STAG2: variants seen among roughly 807,000 people sequenced by gnomAD.
STAG2 encodes the protein STAG2 cohesin complex component, also known as cohesin subunit SA-2.
A neutral mutation model predicts 108.1 loss-of-function variants in STAG2; 14 were observed. The ratio of observed to expected loss-of-function variants is 0.13; its 90% CI spans 0.09 to 0.20. The LOEUF (loss-of-function observed/expected upper bound fraction) is 0.20. STAG2 is among the 10% of genes least tolerant of loss of function. STAG2 has a pLI of 1.00. For missense variants in STAG2, 440 were observed against 940.9 expected (o/e 0.47, Z 6.96); for synonymous variants, 307 against 302.7 (o/e 1.01, Z -0.15).
chrX:124,039,930 T>C (rs985359835), intron 6 of STAG2, among the ~76,000 whole-genome samples: 1 of 111,105 alleles, frequency 9.0e-6, no homozygotes, highest in Admixed American at 9.7e-5. Context: ...TTGGACCTTG[T>C]CACAAGTGAG....
intron 30 of STAG2, among the ~76,000 whole-genome samples, chrX:124,088,608 G>A (rs2059165008): frequency 1.1e-5 from 1 of 92,483 alleles, no homozygotes; most frequent in Admixed American, 1.3e-4. Context: ...TTGCAAATAT[G>A]TATAATCTTT....
At chrX:123,997,648 G>GT (rs2055806436) in intron 1 of STAG2, among the ~76,000 whole-genome samples, 1 of 112,388 alleles carries the variant, frequency 8.9e-6, no homozygotes, top group African/African-American at 3.2e-5. Context: ...GTTGGTTTTT[G>GT]TTTTTTTGAG....
At chrX:124,076,554 G>T (rs1258355539) in intron 26 of STAG2, 83 bp downstream of exon 26, 13 of 886,039 alleles carry the variant, frequency 1.5e-5, no homozygotes, top group Non-Finnish European at 1.7e-5. Flanking sequence ...TTCTTTAAGG[G>T]CAAATTACAT....
chrX:124,083,386 T>TA, intron 28 of STAG2, 35 bp from the exon 29 acceptor site: 1 of 1,088,896 alleles, frequency 9.2e-7, no homozygotes, highest in Middle Eastern at 3.2e-4. Context: ...GTCCCTCAAA[T>TA]ATTTATTTCA....
chrX:124,093,562 G>T (rs1219050870), intron 32 of STAG2, among the ~76,000 whole-genome samples: 1 of 106,863 alleles, frequency 9.4e-6, no homozygotes, highest in South Asian at 4.2e-4. Context: ...CGCATGCCTG[G>T]TACACATTAG....
chrX:124,040,507 A>G (rs1006646048), intron 6 of STAG2, among the ~76,000 whole-genome samples: 6 of 110,168 alleles, frequency 5.4e-5, no homozygotes, highest in Non-Finnish European at 9.4e-5. Flanking sequence ...CTCAAGAGTT[A>G]AATGAATGGA....
rs1246369348 is a variant in STAG2 at position 124,031,235 on chromosome X, T to C, written c.288+110T>C. ...TTGCATTTTAAACATACACTACTTATTAGAAAAAAGCAACAAAATCATCAG... is the reference window on the plus strand; with the variant it reads ...TTGCATTTTAAACATACACTACTTACTAGAAAAAAGCAACAAAATCATCAG... On this transcript the variant is annotated intron_variant, in intron 5 of 34. Transcript: ENST00000371145. 21 of 817,595 alleles carry C rather than the reference T, an allele frequency of 2.6e-5. No individual in the cohort carries two copies. The Admixed American group carries it at 5.0e-4, about 19-fold the overall frequency. The allele number at this position is 817,595 out of a possible 1,213,427, so 67.4% of individuals were successfully genotyped here.
rs1413878931 is a variant in STAG2, at chrX:124,042,554, A to T, written c.386-15A>T. On this transcript the variant is annotated splice_polypyrimidine_tract_variant and intron_variant, in intron 6 of 34. Transcript: ENST00000371145. ...ATCACACCATATATTAACTTCTGAC[A>T]TTTGCAAATTTCAGGAGTTGTCACA... 2.6e-6 allele frequency: 3 copies of T among 1,174,739 alleles called. No individual in the cohort carries two copies. The Admixed American group carries it at 6.6e-5, about 26-fold the overall frequency.
At chrX:124,089,144 C>T (rs1376463649) in intron 30 of STAG2, among the ~76,000 whole-genome samples, 1 of 104,413 alleles carries the variant, frequency 9.6e-6, no homozygotes, top group Non-Finnish European at 2.0e-5. Context: ...CTCCTGACCT[C>T]GTGATCCGCC....
intron 1 of STAG2, among the ~76,000 whole-genome samples, chrX:124,002,296 T>C (rs909528541): frequency 1.8e-5 from 2 of 111,731 alleles, no homozygotes; most frequent in African/African-American, 6.5e-5. Flanking sequence ...GTAGATTAGT[T>C]TGCATTTTTT....
chrX:124,060,288 C>A (rs1296134539), intron 15 of STAG2, among the ~76,000 whole-genome samples: 1 of 111,133 alleles, frequency 9.0e-6, no homozygotes, highest in Non-Finnish European at 1.9e-5. Flanking sequence ...CATCACCACA[C>A]CTAATTTTTG....
At chrX:123,975,705 C>G (rs1391459775) in intron 1 of STAG2, among the ~76,000 whole-genome samples, 1 of 111,900 alleles carries the variant, frequency 8.9e-6, no homozygotes, top group Non-Finnish European at 1.9e-5. Context: ...CTCAGGTGAT[C>G]CGCCCACCTT....
intron 1 of STAG2, among the ~76,000 whole-genome samples, chrX:123,967,168 G>A (rs1179851871): frequency 9.1e-6 from 1 of 109,351 alleles, no homozygotes; most frequent in African/African-American, 3.3e-5. Flanking sequence ...TACAGGCGGA[G>A]CCACCGTGCC....
chrX:124,003,693 G>T (rs2056160486), intron 1 of STAG2: 1 of 110,686 alleles, frequency 9.0e-6, no homozygotes, highest in Admixed American at 9.6e-5. Context: ...CAAAGTGCTG[G>T]GATTACAGGC....
intron 1 of STAG2, among the ~76,000 whole-genome samples, chrX:123,986,037 C>T (rs1455579800): frequency 1.9e-5 from 2 of 105,758 alleles, no homozygotes; most frequent in Non-Finnish European, 3.9e-5. Context: ...GTACTCTAAC[C>T]TCACATATAT....
At chrX:124,050,976 A>G (rs1257869378) in intron 11 of STAG2, 145 bp from the exon 12 acceptor site, 1 of 398,952 alleles carries the variant, frequency 2.5e-6, no homozygotes, top group Non-Finnish European at 4.3e-6. Context: ...TTGCATTATC[A>G]AACATGATAG....
At chrX:124,007,454 T>C (rs201031750) in intron 1 of STAG2, among the ~76,000 whole-genome samples, 1 of 111,364 alleles carries the variant, frequency 9.0e-6, no homozygotes, top group Non-Finnish European at 1.9e-5. Flanking sequence ...GGTTTTTTTT[T>C]CCAATTTGTC....
At chrX:123,964,250 C>CAA (rs55860920) in intron 1 of STAG2, among the ~76,000 whole-genome samples, 146 of 83,110 alleles carry the variant, frequency 1.8e-3, no homozygotes, top group South Asian at 4.1e-3. Flanking sequence ...GCAAAACTTT[C>CAA]AAAAAAAAAA....
intron 13 of STAG2, among the ~76,000 whole-genome samples, chrX:124,051,894 A>G (rs191428012): frequency 9.9e-4 from 111 of 112,453 alleles, no homozygotes; most frequent in African/African-American, 3.3e-3. Context: ...CTGACCGAAT[A>G]TGGAAATTCT....
Sources: gnomAD v4.1 joint callset for allele counts (sites outside exome capture counted in the v4.1 genomes callset) on GRCh38, gnomAD v4.1.1 for gene constraint, MANE v1.5 for transcripts, NCBI Gene and HGNC (gene_info 2026-07-23, HGNC 2026-07-21) for gene names.